FILIP1L: variants seen among roughly 807,000 people sequenced by gnomAD.
The protein encoded by FILIP1L is filamin A interacting protein 1 like.
In FILIP1L, 55 loss-of-function variants were observed where a neutral mutation model predicts 96.6. That is an observed-to-expected ratio of 0.57 (90% CI 0.46 to 0.71). The LOEUF (loss-of-function observed/expected upper bound fraction) is 0.71, where lower values mean the gene tolerates loss of function less well. Ranked by LOEUF, FILIP1L falls within the 30% of genes least tolerant of loss-of-function variation. The pLI, the probability that FILIP1L is intolerant of heterozygous loss-of-function variation, is 0.00. For synonymous variants in FILIP1L, 467 were observed against 473.9 expected, an observed-to-expected ratio of 0.99 and a Z score of 0.19; for missense variants, 1,304 against 1,321.2, an observed-to-expected ratio of 0.99 and a Z score of 0.20.
At chr3:99,969,078 G>A (rs1464118491) in intron 1 of FILIP1L, among the ~76,000 whole-genome samples, 1 of 152,132 alleles carries the variant, frequency 6.6e-6, no homozygotes, top group African/African-American at 2.4e-5. Flanking sequence ...ATAATTAATG[G>A]AGCTCGGTCC....
At chr3:100,048,820 T>C (rs2065321341) in intron 1 of FILIP1L, among the ~76,000 whole-genome samples, 1 of 152,192 alleles carries the variant, frequency 6.6e-6, no homozygotes, top group Non-Finnish European at 1.5e-5. Context: ...GCTTCTAAAA[T>C]TGTATTTTAC....
chr3:99,830,173 G>C lies in FILIP1L; in HGVS notation c.*241C>G. 4.0e-6 allele frequency: 1 copy of C among 247,504 alleles called. No homozygotes were observed. The highest frequency in any genetic ancestry group is 5.5e-5 in the South Asian group (1 of 18,306). The allele number at this position is 247,504 out of a possible 1,614,324, so 15.3% of individuals were successfully genotyped here. ...TCATCTTTGGGTTAGATTATATGTC[G>C]GATGAGGAAATGGGTAGATTTGGGT... On this transcript the variant is annotated 3_prime_UTR_variant, in exon 6 of 6. Transcript: ENST00000477258.
chr3:100,099,232 T>C (rs879780216), intron 1 of FILIP1L, among the ~76,000 whole-genome samples: 5 of 152,184 alleles, frequency 3.3e-5, no homozygotes, highest in African/African-American at 7.2e-5. Context: ...ATATTTATCA[T>C]CTTAGTACGC....
At chr3:100,111,368 G>A (rs80201690) in intron 1 of FILIP1L, among the ~76,000 whole-genome samples, 2,438 of 152,254 alleles carry the variant, frequency 0.016, 29 homozygotes, top group Non-Finnish European at 0.026. Flanking sequence ...GAGGCTGTGC[G>A]TTAGAGAAAA....
intron 5 of FILIP1L, among the ~76,000 whole-genome samples, chr3:99,837,866 TTA>T (rs1375126106): frequency 6.6e-6 from 1 of 152,226 alleles, no homozygotes; most frequent in African/African-American, 2.4e-5. Context: ...GTGCTTGTCT[TTA>T]TAGTGGCTGG....
intron 1 of FILIP1L, among the ~76,000 whole-genome samples, chr3:100,048,004 G>A (rs2065305394): frequency 6.6e-6 from 1 of 152,116 alleles, no homozygotes; most frequent in African/African-American, 2.4e-5. Context: ...AAGAAACACT[G>A]GGCCATAGCT....
intron 5 of FILIP1L, among the ~76,000 whole-genome samples, chr3:99,839,857 C>T (rs1249318417): frequency 6.6e-6 from 1 of 152,174 alleles, no homozygotes. Context: ...CATCTCTAGA[C>T]ACCAGACATA....
chr3:99,836,031 A>C (rs1942883157), intron 5 of FILIP1L, among the ~76,000 whole-genome samples: 1 of 152,218 alleles, frequency 6.6e-6, no homozygotes, highest in Admixed American at 6.5e-5. Flanking sequence ...ATGAAACGAA[A>C]GATGAAGGCC....
At chr3:99,878,488 C>T (rs999883505) in intron 4 of FILIP1L, among the ~76,000 whole-genome samples, 4 of 152,220 alleles carry the variant, frequency 2.6e-5, no homozygotes, top group African/African-American at 9.7e-5. Flanking sequence ...TAGCCTTCTT[C>T]TACATAAATA....
At chr3:100,074,321 A>G (rs969750822) in intron 1 of FILIP1L, among the ~76,000 whole-genome samples, 1 of 151,920 alleles carries the variant, frequency 6.6e-6, no homozygotes, top group Non-Finnish European at 1.5e-5. Context: ...GAATCCCTAC[A>G]CTCTGGGAAC....
At chr3:100,057,656 C>T (rs2065488237) in intron 1 of FILIP1L, among the ~76,000 whole-genome samples, 1 of 152,100 alleles carries the variant, frequency 6.6e-6, no homozygotes, top group South Asian at 2.1e-4. Flanking sequence ...GGGATCAGGC[C>T]CCATATGGGA....
At chr3:100,026,899 AAAGCC>A (rs2064932695) in intron 1 of FILIP1L, among the ~76,000 whole-genome samples, 1 of 152,100 alleles carries the variant, frequency 6.6e-6, no homozygotes, top group African/African-American at 2.4e-5. Flanking sequence ...ACTCAGCATG[AAAGCC>A]AAGATCCTCC....
intron 4 of FILIP1L, among the ~76,000 whole-genome samples, chr3:99,912,630 A>G (rs960623789): frequency 1.3e-5 from 2 of 152,130 alleles, no homozygotes; most frequent in African/African-American, 4.8e-5. Flanking sequence ...CACCTGCCTC[A>G]GCCTCCCAAA....
At chr3:99,941,508 T>G (rs932883035) in intron 1 of FILIP1L, among the ~76,000 whole-genome samples, 1 of 152,292 alleles carries the variant, frequency 6.6e-6, no homozygotes, top group Non-Finnish European at 1.5e-5. Context: ...ATGTGGGGAA[T>G]ATCAAATTGT....
chr3:100,076,706 C>T (rs557306464), intron 1 of FILIP1L, among the ~76,000 whole-genome samples: 4 of 152,182 alleles, frequency 2.6e-5, no homozygotes, highest in African/African-American at 9.7e-5. Context: ...TTTGACTTCA[C>T]CTCTGTTTCT....
At chr3:99,944,985 C>T (rs1318305686) in intron 1 of FILIP1L, among the ~76,000 whole-genome samples, 1 of 152,166 alleles carries the variant, frequency 6.6e-6, no homozygotes, top group African/African-American at 2.4e-5. Context: ...TCATTCTAGG[C>T]AGTAGGGAGG....
At chr3:100,015,967 T>C (rs1345744523) in intron 1 of FILIP1L, among the ~76,000 whole-genome samples, 1 of 152,222 alleles carries the variant, frequency 6.6e-6, no homozygotes, top group Non-Finnish European at 1.5e-5. Flanking sequence ...CAGATTGCCT[T>C]TTTAATTTTT....
chr3:99,851,996 A>G (rs1036431456), intron 4 of FILIP1L, among the ~76,000 whole-genome samples: 5 of 152,234 alleles, frequency 3.3e-5, no homozygotes, highest in African/African-American at 1.2e-4. Context: ...AAACTCTGTT[A>G]TCAGGAACAT....
intron 1 of FILIP1L, among the ~76,000 whole-genome samples, chr3:100,007,875 A>G (rs1337624624): frequency 6.6e-6 from 1 of 152,146 alleles, no homozygotes; most frequent in African/African-American, 2.4e-5. Context: ...TAGTGAACAG[A>G]TTCTTATAGT....
Sources: allele counts gnomAD v4.1 joint callset (sites outside exome capture counted in the v4.1 genomes callset), GRCh38; gene constraint gnomAD v4.1.1; transcripts MANE v1.5; gene names NCBI Gene and HGNC (gene_info 2026-07-23, HGNC 2026-07-21).